The following EPHA5 variants were observed in gnomAD, a reference collection of about 807,000 sequenced individuals.
EPHA5 encodes EPH receptor A5.
EPHA5 carries 60 observed loss-of-function variants against 105.0 expected under a neutral mutation model. The ratio of observed to expected loss-of-function variants is 0.57; its 90% CI spans 0.46 to 0.71. The LOEUF (loss-of-function observed/expected upper bound fraction) is 0.71, where lower values mean the gene tolerates loss of function less well. EPHA5 is among the 30% of genes least tolerant of loss of function. The pLI, the probability that EPHA5 is intolerant of heterozygous loss-of-function variation, is 0.00. For synonymous variants in EPHA5, 513 were observed against 449.1 expected (o/e 1.14, Z -1.80); for missense variants, 1,218 against 1,274.7 (o/e 0.96, Z 0.68).
chr4:65,520,905 G>A (rs1480532569), intron 3 of EPHA5, among the ~76,000 whole-genome samples: 1 of 152,132 alleles, frequency 6.6e-6, no homozygotes, highest in African/African-American at 2.4e-5. Context: ...GGAGAAATAG[G>A]AACACTTTTA....
chr4:65,446,155 C>T (rs1171794213), intron 5 of EPHA5, among the ~76,000 whole-genome samples: 2 of 152,132 alleles, frequency 1.3e-5, no homozygotes, highest in Non-Finnish European at 1.5e-5. Flanking sequence ...CAATGGGTTA[C>T]AATGCCTTCA....
In EPHA5 at chr4:65,329,280, C is replaced by CTAAGA. The variant is rs1577819867; in HGVS notation, c.2945+2688_2945+2692dup. On this transcript the variant is annotated intron_variant, in intron 16 of 16. Coordinates refer to ENST00000613740, the MANE Select transcript of EPHA5 (RefSeq NM_001281766.3). ...CACAAACAGTAGCAGACAAACACAT[C>CTAAGA]TAAGATTGAAAGCCACTTTCATGAA... Among the ~76,000 whole-genome samples the CTAAGA allele has an allele frequency of 2.0e-5, 3 of 151,296 alleles. No individual in the cohort carries two copies. In the East Asian group the frequency reaches 5.9e-4, roughly 30 times the overall value.
intron 3 of EPHA5, among the ~76,000 whole-genome samples, chr4:65,508,673 T>G (rs1173843248): frequency 6.6e-6 from 1 of 152,120 alleles, no homozygotes; most frequent in Non-Finnish European, 1.5e-5. Context: ...AAAAAGAAAC[T>G]TATTCCCCAG....
chr4:65,534,150 T>C (rs1736080740), intron 3 of EPHA5, among the ~76,000 whole-genome samples: 1 of 152,160 alleles, frequency 6.6e-6, no homozygotes, highest in African/African-American at 2.4e-5. Context: ...TTTCCAACTG[T>C]GGATCATACT....
intron 8 of EPHA5, among the ~76,000 whole-genome samples, chr4:65,399,292 G>A (rs6835258): frequency 0.15 from 22,893 of 152,178 alleles, 1,923 homozygotes; most frequent in East Asian, 0.23. Flanking sequence ...AGCAGGAAGC[G>A]TGCCAGGCTG....
intron 3 of EPHA5, among the ~76,000 whole-genome samples, chr4:65,577,411 T>C (rs1741165553): frequency 6.6e-6 from 1 of 152,136 alleles, no homozygotes; most frequent in Non-Finnish European, 1.5e-5. Flanking sequence ...ATTGCATCAT[T>C]TTAATGAGAT....
intron 3 of EPHA5, among the ~76,000 whole-genome samples, chr4:65,574,798 T>C (rs1454855584): frequency 1.4e-5 from 2 of 147,912 alleles, no homozygotes; most frequent in Non-Finnish European, 3.0e-5. Flanking sequence ...TATGGCAGAA[T>C]TGCTCTAGTG....
chr4:65,654,899 A>G (rs1164966959), intron 1 of EPHA5, among the ~76,000 whole-genome samples: 1 of 147,458 alleles, frequency 6.8e-6, no homozygotes, highest in African/African-American at 2.5e-5. Flanking sequence ...ATATATATAA[A>G]TATACATTTA....
At chr4:65,481,668 C>T (rs1323165295) in intron 5 of EPHA5, among the ~76,000 whole-genome samples, 1 of 152,162 alleles carries the variant, frequency 6.6e-6, no homozygotes, top group South Asian at 2.1e-4. Flanking sequence ...GGACTAGAAG[C>T]TTCTTGAATA....
At chr4:65,537,480 A>G (rs1177930389) in intron 3 of EPHA5, among the ~76,000 whole-genome samples, 1 of 151,792 alleles carries the variant, frequency 6.6e-6, no homozygotes, top group Non-Finnish European at 1.5e-5. Flanking sequence ...CTTCAAAATA[A>G]ACTAAATGTC....
At chr4:65,472,373 C>A (rs1372981560) in intron 5 of EPHA5, among the ~76,000 whole-genome samples, 1 of 152,112 alleles carries the variant, frequency 6.6e-6, no homozygotes, top group Non-Finnish European at 1.5e-5. Context: ...TCTGAAGTGG[C>A]CCTCTTCTCA....
chr4:65,569,685 T>C (rs541352975), intron 3 of EPHA5, among the ~76,000 whole-genome samples: 1 of 151,746 alleles, frequency 6.6e-6, no homozygotes, highest in African/African-American at 2.4e-5. Context: ...TGAATGACCA[T>C]TAATTATTCA....
intron 3 of EPHA5, among the ~76,000 whole-genome samples, chr4:65,528,320 T>C (rs1735436152): frequency 6.6e-6 from 1 of 152,080 alleles, no homozygotes; most frequent in African/African-American, 2.4e-5. Context: ...TGAAATATAA[T>C]GTGCCTTAAT....
chr4:65,427,989 C>A (rs1405709795), intron 5 of EPHA5, among the ~76,000 whole-genome samples: 1 of 151,966 alleles, frequency 6.6e-6, no homozygotes, highest in African/African-American at 2.4e-5. Flanking sequence ...ATAGATAAAT[C>A]CATATTTTAT....
At position 65,483,452 on chromosome 4, in the gene EPHA5, G is replaced by A. The variant is rs1027624601; in HGVS notation, c.1402+6925C>T. Among the ~76,000 whole-genome samples the A allele has an allele frequency of 1.0e-4, 14 of 138,926 alleles. No individual in the cohort carries two copies. The South Asian group carries it at 2.1e-3, about 21-fold the overall frequency. 91.1% of individuals were successfully genotyped at this position (138,926 alleles called of 152,430 possible). ...AATCGCCACACTGACTTCCACAATG[G>A]TTGAACTAGTTTACAGTCCCACCAA... On this transcript the variant is annotated intron_variant, in intron 5 of 16. Transcript: ENST00000613740.
chr4:65,320,806 T>C lies in EPHA5; in HGVS notation c.*3308A>G. 1 of 230,260 alleles carries C rather than the reference T, an allele frequency of 4.3e-6. No individual in the cohort carries two copies. Among genetic ancestry groups the C allele is most frequent in the Non-Finnish European group, 8.6e-6 (1 of 116,074 alleles). 14.3% of individuals were successfully genotyped at this position (230,260 alleles called of 1,614,324 possible). On this transcript the variant is annotated 3_prime_UTR_variant, in exon 17 of 17. Transcript: ENST00000613740. ...TTTACAAACTGAATTAAGGATATTC[T>C]GTGTTGTTTAGGCAACTCTGAAACC...
intron 2 of EPHA5, among the ~76,000 whole-genome samples, chr4:65,625,323 A>T (rs1746039125): frequency 6.6e-6 from 1 of 152,182 alleles, no homozygotes; most frequent in Non-Finnish European, 1.5e-5. Context: ...ATACCAAAAA[A>T]AATGAAATAA....
intron 2 of EPHA5, among the ~76,000 whole-genome samples, chr4:65,603,471 G>A (rs1410900474): frequency 1.5e-5 from 2 of 133,794 alleles, no homozygotes; most frequent in Non-Finnish European, 3.3e-5. Context: ...ATTAAGTATT[G>A]TAGATAAAAA....
intron 11 of EPHA5, among the ~76,000 whole-genome samples, 200 bp from the exon 12 acceptor site, chr4:65,353,303 TA>T: frequency 6.8e-6 from 1 of 147,472 alleles, no homozygotes; most frequent in African/African-American, 2.4e-5. Context: ...ATATATTTAA[TA>T]TTTTAAAAAC....
Sources: allele counts gnomAD v4.1 joint callset (sites outside exome capture counted in the v4.1 genomes callset), GRCh38; gene constraint gnomAD v4.1.1; transcripts MANE v1.5; gene names NCBI Gene and HGNC (gene_info 2026-07-23, HGNC 2026-07-21).